The following SGPP1 variants were observed in gnomAD, a reference collection of about 807,000 sequenced individuals.
The protein encoded by SGPP1 is hSPP1.
SGPP1 carries 21 observed loss-of-function variants against 33.0 expected under a neutral mutation model. The observed-to-expected ratio is 0.64, with a 90% CI of 0.45 to 0.92. The LOEUF is 0.92. Ranked by LOEUF, SGPP1 falls within the 40% of genes least tolerant of loss-of-function variation. SGPP1 has a pLI of 0.00. For missense variants in SGPP1, 543 were observed against 589.4 expected, an observed-to-expected ratio of 0.92 and a Z score of 0.81; for synonymous variants, 239 against 241.2, an observed-to-expected ratio of 0.99 and a Z score of 0.08.
chr14:63,710,591 G>T (rs1415116320), intron 1 of SGPP1, among the ~76,000 whole-genome samples: 1 of 152,178 alleles, frequency 6.6e-6, no homozygotes, highest in Non-Finnish European at 1.5e-5. Flanking sequence ...ACTATAAACA[G>T]AACAGTCACA....
chr14:63,721,926 G>T (rs1428876020), intron 1 of SGPP1, among the ~76,000 whole-genome samples: 1 of 152,114 alleles, frequency 6.6e-6, no homozygotes, highest in Non-Finnish European at 1.5e-5. Context: ...GTATATAAAA[G>T]CTATTCTCAT....
chr14:63,697,809 G>C (rs1328342428), intron 2 of SGPP1, among the ~76,000 whole-genome samples: 1 of 152,214 alleles, frequency 6.6e-6, no homozygotes, highest in African/African-American at 2.4e-5. Flanking sequence ...ATGGAGGTAA[G>C]AAACCCTTTG....
At chr14:63,722,157 T>C (rs1885784288) in intron 1 of SGPP1, among the ~76,000 whole-genome samples, 1 of 151,954 alleles carries the variant, frequency 6.6e-6, no homozygotes, top group African/African-American at 2.4e-5. Flanking sequence ...AATAGGAACA[T>C]TGGGGTATTA....
chr14:63,692,563 C>T (rs1885110399), intron 2 of SGPP1, among the ~76,000 whole-genome samples: 1 of 152,098 alleles, frequency 6.6e-6, no homozygotes, highest in Admixed American at 6.6e-5. Context: ...GATCCTCCCA[C>T]CTCAGCTTCC....
At chr14:63,703,800 G>GTTTTT (rs57439548) in intron 1 of SGPP1, among the ~76,000 whole-genome samples, 12 of 98,918 alleles carry the variant, frequency 1.2e-4, no homozygotes, top group African/African-American at 2.5e-4. Context: ...CCCTATTTAA[G>GTTTTT]TTTTTTTTTT....
chr14:63,700,894 C>T (rs1272211508), intron 1 of SGPP1, among the ~76,000 whole-genome samples: 1 of 152,174 alleles, frequency 6.6e-6, no homozygotes, highest in Non-Finnish European at 1.5e-5. Context: ...TGAGATGCAT[C>T]ACGAGACGGG....
chr14:63,721,829 T>G (rs1196301970), intron 1 of SGPP1, among the ~76,000 whole-genome samples: 1 of 152,238 alleles, frequency 6.6e-6, no homozygotes, highest in Non-Finnish European at 1.5e-5. Context: ...TTGATTTCAG[T>G]CAACATCTTC....
At chr14:63,707,481 AAT>A (rs953008225) in intron 1 of SGPP1, among the ~76,000 whole-genome samples, 7 of 152,100 alleles carry the variant, frequency 4.6e-5, no homozygotes, top group Non-Finnish European at 8.8e-5. Context: ...GAAACCAATA[AAT>A]ATAGACGTCC....
At chr14:63,724,732 G>T (rs1292315378) in intron 1 of SGPP1, among the ~76,000 whole-genome samples, 1 of 150,782 alleles carries the variant, frequency 6.6e-6, no homozygotes, top group East Asian at 2.0e-4. Context: ...TGAGCGGGGG[G>T]CGGCTAATTT....
intron 1 of SGPP1, among the ~76,000 whole-genome samples, chr14:63,725,807 G>T (rs548865675): frequency 3.3e-5 from 5 of 152,098 alleles, no homozygotes; most frequent in Non-Finnish European, 7.4e-5. Flanking sequence ...TCACTGAGAA[G>T]GCATCATAAA....
At position 63,703,848 on chromosome 14, in the gene SGPP1, C is replaced by T. The variant is rs1161016510; in HGVS notation, c.685-5190G>A. Among the ~76,000 whole-genome samples the T allele has an allele frequency of 1.1e-4, 13 of 120,012 alleles. No individual in the cohort carries two copies. The East Asian group carries it at 3.1e-3, about 29-fold the overall frequency. 78.7% of individuals were successfully genotyped at this position (120,012 alleles called of 152,430 possible). On this transcript the variant is annotated intron_variant, in intron 1 of 2. Transcript: ENST00000247225. ...TGGCGGCAGGTGGGGAGTGGGGTCT[C>T]GCTTTATCACCCAGGCTGGAGTGCA...
At chr14:63,697,761 G>A (rs561770631) in intron 2 of SGPP1, among the ~76,000 whole-genome samples, 1 of 152,172 alleles carries the variant, frequency 6.6e-6, no homozygotes, top group African/African-American at 2.4e-5. Flanking sequence ...GAAAGTGAAA[G>A]GGGCATTCCA....
intron 2 of SGPP1, among the ~76,000 whole-genome samples, chr14:63,694,446 T>C (rs1235098769): frequency 6.6e-6 from 1 of 152,122 alleles, no homozygotes; most frequent in Non-Finnish European, 1.5e-5. Flanking sequence ...CCACGAGTAT[T>C]AAACTTAGAT....
intron 1 of SGPP1, among the ~76,000 whole-genome samples, chr14:63,711,738 C>G (rs929721452): frequency 1.3e-5 from 2 of 152,068 alleles, no homozygotes; most frequent in African/African-American, 4.8e-5. Flanking sequence ...CATTTTTGAT[C>G]AAAAGCTGAG....
chr14:63,724,991 GAA>G (rs141340040), intron 1 of SGPP1, among the ~76,000 whole-genome samples: 1 of 146,768 alleles, frequency 6.8e-6, no homozygotes, highest in African/African-American at 2.5e-5. Flanking sequence ...GACTCTTAGG[GAA>G]AAAAAAAAGG....
chr14:63,710,056 G>T (rs894415735), intron 1 of SGPP1, among the ~76,000 whole-genome samples: 1 of 152,140 alleles, frequency 6.6e-6, no homozygotes, highest in African/African-American at 2.4e-5. Flanking sequence ...CTTAAATATG[G>T]AAGGCAGGCA....
At chr14:63,695,885 T>C (rs559079192) in intron 2 of SGPP1, among the ~76,000 whole-genome samples, 2 of 152,336 alleles carry the variant, frequency 1.3e-5, no homozygotes, top group East Asian at 3.9e-4. Flanking sequence ...CACTCCAGCC[T>C]GGGTGACAGA....
intron 1 of SGPP1, among the ~76,000 whole-genome samples, chr14:63,711,180 A>AT (rs770988245): frequency 6.6e-6 from 1 of 151,870 alleles, no homozygotes. Context: ...CGCCCAGCTA[A>AT]TTTTTTGTAA....
intron 1 of SGPP1, among the ~76,000 whole-genome samples, chr14:63,719,845 T>C (rs1482189197): frequency 2.7e-5 from 4 of 150,740 alleles, no homozygotes; most frequent in Non-Finnish European, 5.9e-5. Context: ...CCAGGCACGG[T>C]GGCTCATGCC....
Sources: allele counts gnomAD v4.1 joint callset (sites outside exome capture counted in the v4.1 genomes callset), GRCh38; gene constraint gnomAD v4.1.1; transcripts MANE v1.5; gene names NCBI Gene and HGNC (gene_info 2026-07-23, HGNC 2026-07-21).